ZMYM3: variants seen among roughly 807,000 people sequenced by gnomAD.
The protein encoded by ZMYM3 is zinc finger MYM-type containing 3, also known as zinc finger MYM-type protein 3.
A neutral mutation model predicts 94.2 loss-of-function variants in ZMYM3; 6 were observed. The observed-to-expected ratio is 0.06, with a 90% CI of 0.03 to 0.13. The LOEUF (loss-of-function observed/expected upper bound fraction) is 0.13. ZMYM3 is among the 10% of genes least tolerant of loss of function. ZMYM3 has a pLI of 1.00. For synonymous variants in ZMYM3, 420 were observed against 426.5 expected, an observed-to-expected ratio of 0.98 and a Z score of 0.19; for missense variants, 664 against 1,132.6, an observed-to-expected ratio of 0.59 and a Z score of 5.94.
intron 6 of ZMYM3, 151 bp from the exon 7 acceptor site, chrX:71,249,830 G>A: frequency 1.9e-6 from 2 of 1,076,474 alleles, no homozygotes; most frequent in Non-Finnish European, 2.4e-6. Context: ...CGACTTGATG[G>A]TGAGGTCCTG....
chrX:71,243,995 T>C lies in ZMYM3; in HGVS notation c.3281-15A>G. On this transcript the variant is annotated splice_polypyrimidine_tract_variant and intron_variant, in intron 20 of 24. Coordinates refer to ENST00000314425, the MANE Select transcript of ZMYM3 (RefSeq NM_201599.3). The stretch of plus-strand genomic sequence containing the variant: ...CATGGGTTTGGCTGCAGTGATATGT[T>C]GTGCAGGGACAGGATTAAGAAAAAC... 1 of 1,210,197 alleles carries C rather than the reference T, an allele frequency of 8.3e-7. No homozygotes were observed. The highest frequency in any genetic ancestry group is 1.1e-6 in the Non-Finnish European group (1 of 894,573).
Position 71,245,763 on chromosome X carries a change from T to G in ZMYM3, c.2765A>C (p.Lys922Thr), listed in dbSNP as rs756410520. 1 of 1,209,793 alleles carries G rather than the reference T, an allele frequency of 8.3e-7. No homozygotes were observed. Among genetic ancestry groups the G allele is most frequent in the South Asian group, 1.8e-5 (1 of 56,816 alleles). ...IVETIEELKV[K>T]IPSNPLEADI... ...GGCCTCCAAGGGGTTGGAAGGGATC[T>G]TCACCTTCAGCTCCTCAATGGTCTC... The change falls in exon 17 of 25, where the codon AAG becomes ACG. Residue 922 changes from lysine (K) to threonine (T), a missense_variant. By Grantham distance (78) the Lys-to-Thr change is moderately conservative. This residue lies in a region of ZMYM3 where 75 missense variants were observed against 152.5 expected (regional missense o/e 0.49). Transcript: ENST00000314425.
At position 71,248,228 on chromosome X, in the gene ZMYM3, G is replaced by A. The variant is rs1174153455; in HGVS notation, c.1909C>T (p.Arg637Trp). Residue 637 changes from arginine to tryptophan, a missense_variant, in exon 11 of 25, where the codon CGG (arginine) becomes TGG (tryptophan). Coordinates refer to ENST00000314425, the MANE Select transcript of ZMYM3 (RefSeq NM_201599.3). ...RGVVSQCEHC[R>W]QEKLLHEKLR... is the part of the protein sequence containing the mutation. ...TTCTCATGCAAGAGTTTCTCCTGCC[G>A]ACAGTGCTCACACTGGGACACCACA... 1 of 1,209,857 alleles carries A rather than the reference G, an allele frequency of 8.3e-7. No individual in the cohort carries two copies. The highest frequency in any genetic ancestry group is 3.0e-5 in the East Asian group (1 of 33,813).
intron 19 of ZMYM3, 148 bp from the exon 20 acceptor site, chrX:71,244,618 T>A: frequency 1.2e-6 from 1 of 836,945 alleles, no homozygotes; most frequent in Non-Finnish European, 1.7e-6. Flanking sequence ...AGGAACAGCT[T>A]TGATGACCTT....
rs1237257484 is a variant in ZMYM3, at chrX:71,251,957, A to ATCAG, written c.668-360_668-357dup. On this transcript the variant is annotated intron_variant, in intron 2 of 24. Transcript: ENST00000314425. Reference sequence around the variant, plus strand: ...AAAGGTAGCAAAAGGAAAAGGAAGCATCAGTGTATGGGTAGCTTCCCCTGG... The same window carrying ATCAG: ...AAAGGTAGCAAAAGGAAAAGGAAGCATCAGTCAGTGTATGGGTAGCTTCCCCTGG... 1.6e-5 allele frequency: 10 copies of ATCAG among 614,491 alleles called. No individual in the cohort carries two copies. In the African/African-American group the frequency reaches 2.5e-4, roughly 15 times the overall value. 50.6% of individuals were successfully genotyped at this position (614,491 alleles called of 1,213,427 possible). A position where few individuals can be genotyped will look rare whatever the true frequency, so the allele number is the denominator to read the frequency against.
chrX:71,243,787 G>A (rs2030045855), intron 21 of ZMYM3, 42 bp downstream of exon 21: 1 of 1,202,507 alleles, frequency 8.3e-7, no homozygotes. Context: ...CCTGCCTGCT[G>A]TGTTAAGAGT....
At chrX:71,251,414 G>A (rs1401492733) in intron 3 of ZMYM3, 144 bp downstream of exon 3, 1 of 931,702 alleles carries the variant, frequency 1.1e-6, no homozygotes, top group African/African-American at 2.0e-5. Context: ...TCCCCAACAA[G>A]CAGTAGACAC....
intron 3 of ZMYM3, 32 bp downstream of exon 3, chrX:71,251,526 A>G (rs2030471689): frequency 8.5e-7 from 1 of 1,173,359 alleles, no homozygotes; most frequent in Non-Finnish European, 1.1e-6. Context: ...GCTAAGGGGG[A>G]ACCAGACTCC....
chrX:71,246,476 T>TGGGGGGGGGG lies in ZMYM3; in HGVS notation c.2448_2449insCCCCCCCCCC (p.Thr817ProfsTer23). Reference sequence around the variant, plus strand: ...GCTGGGGGTGGTGGGGGTGGAGGGGTGGGAGCAGTGGGAGCTGATCGGGTC... The same window carrying TGGGGGGGGGG: ...GCTGGGGGTGGTGGGGGTGGAGGGGTGGGGGGGGGGGGGAGCAGTGGGAGCTGATCGGGTC... On this transcript the variant is annotated frameshift_variant, in exon 15 of 25. Coordinates refer to ENST00000314425, the MANE Select transcript of ZMYM3 (RefSeq NM_201599.3). LOFTEE classifies it high-confidence loss of function. 1 of 100,743 alleles carries TGGGGGGGGGG rather than the reference T, an allele frequency of 9.9e-6. No individual in the cohort carries two copies. Among genetic ancestry groups the TGGGGGGGGGG allele is most frequent in the African/African-American group, 1.1e-4 (1 of 8,861 alleles). 8.3% of individuals were successfully genotyped at this position (100,743 alleles called of 1,213,427 possible). A position where few individuals can be genotyped will look rare whatever the true frequency, so the allele number is the denominator to read the frequency against.
chrX:71,251,615 A>G lies in ZMYM3; in HGVS notation c.668-14T>C. ...TCAGGCCATCTCCTGCAAAGGAAGC[A>G]GAAGGCAGCCTAAATGTTGAGCCTG... On this transcript the variant is annotated splice_polypyrimidine_tract_variant and intron_variant, in intron 2 of 24. Transcript: ENST00000314425. The G allele has an allele frequency of 8.5e-7, 1 of 1,183,125 alleles. No homozygotes were observed. The highest frequency in any genetic ancestry group is 1.1e-6 in the Non-Finnish European group (1 of 881,010).
chrX:71,249,771 C>G, intron 6 of ZMYM3, 92 bp from the exon 7 acceptor site: 1 of 1,127,507 alleles, frequency 8.9e-7, no homozygotes, highest in Non-Finnish European at 1.2e-6. Context: ...CCTAGACCTT[C>G]ACAGCAGACA....
intron 12 of ZMYM3, 23 bp downstream of exon 12, chrX:71,247,711 G>A (rs527470994): frequency 8.9e-5 from 107 of 1,199,025 alleles, no homozygotes; most frequent in Middle Eastern, 5.1e-4. Context: ...TTCCCGCCTC[G>A]CTCGCATGCT....
Position 71,246,479 on chromosome X carries a change from G to GT in ZMYM3, c.2445_2446insA (p.Pro816ThrfsTer21). The GT allele has an allele frequency of 6.0e-6, 2 of 333,493 alleles. No individual in the cohort carries two copies. The highest frequency in any genetic ancestry group is 5.6e-6 in the Non-Finnish European group (1 of 178,525). The allele number at this position is 333,493 out of a possible 1,213,427, so 27.5% of individuals were successfully genotyped here. A position where few individuals can be genotyped will look rare whatever the true frequency, so the allele number is the denominator to read the frequency against. On this transcript the variant is annotated frameshift_variant, in exon 15 of 25. Transcript: ENST00000314425. LOFTEE classifies it high-confidence loss of function. The stretch of plus-strand genomic sequence containing the variant: ...GGGGGTGGTGGGGGTGGAGGGGTGG[G>GT]AGCAGTGGGAGCTGATCGGGTCTTC...
At chrX:71,248,087 C>T in intron 11 of ZMYM3, 75 bp downstream of exon 11, 2 of 1,173,366 alleles carry the variant, frequency 1.7e-6, no homozygotes, top group Non-Finnish European at 1.1e-6. Flanking sequence ...GACCACTTTC[C>T]CGGCCTCCCT....
In ZMYM3 at chrX:71,249,145, C is replaced by T. The variant is rs776812641; in HGVS notation, c.1495G>A (p.Val499Ile). 3.3e-6 allele frequency: 4 copies of T among 1,210,110 alleles called. No homozygotes were observed. In the African/African-American group the frequency reaches 7.0e-5, roughly 21 times the overall value. The stretch of plus-strand genomic sequence containing the variant: ...TTCTTACACAGGGTCTTGCACCAGA[C>T]ACATGGGTACACACGTGTGTTTTTC... ...KKKNTRVYPC[V>I]WCKTLCKNFE... The change falls in exon 8 of 25, where the codon GTC becomes ATC. Residue 499 changes from valine to isoleucine, a missense_variant. By Grantham distance (29) the Val-to-Ile change is conservative. Coordinates refer to ENST00000314425, the MANE Select transcript of ZMYM3 (RefSeq NM_201599.3).
At chrX:71,249,215 A>C in intron 7 of ZMYM3, 46 bp from the exon 8 acceptor site, 1 of 1,198,742 alleles carries the variant, frequency 8.3e-7, no homozygotes, top group Non-Finnish European at 1.1e-6. Flanking sequence ...TTGTCCCTTC[A>C]CTTTTATTTT....
In ZMYM3 at chrX:71,253,289, T is replaced by G; in HGVS notation, c.-19-15A>C. 1.8e-6 allele frequency: 2 copies of G among 1,107,456 alleles called. No individual in the cohort carries two copies. Among genetic ancestry groups the G allele is most frequent in the Non-Finnish European group, 2.4e-6 (2 of 836,327 alleles). The allele number at this position is 1,107,456 out of a possible 1,213,427, so 91.3% of individuals were successfully genotyped here. A position where few individuals can be genotyped will look rare whatever the true frequency, so the allele number is the denominator to read the frequency against. On this transcript the variant is annotated splice_polypyrimidine_tract_variant and intron_variant, in intron 1 of 24. Transcript: ENST00000314425. ...CTGGATATGTACTGCAGATTAGGAG[T>G]AGAAGAGGGGGCAGTAGAGGTGGTC...
rs1172514545 is a variant in ZMYM3, at chrX:71,246,621, G to A, written c.2386C>T (p.Pro796Ser). The A allele has an allele frequency of 2.5e-6, 3 of 1,211,395 alleles. No individual in the cohort carries two copies. The highest frequency in any genetic ancestry group is 3.5e-5 in the South Asian group (2 of 56,899). Residue 796 changes from proline (P) to serine (S), a missense_variant, in exon 14 of 25, where the codon CCA becomes TCA. Pro to Ser is a moderately conservative substitution (Grantham distance 74). Around this residue, in one of 9 missense-constraint regions of ZMYM3, gnomAD observed 57 missense variants for 52.0 expected, o/e 1.10. Coordinates refer to ENST00000314425, the MANE Select transcript of ZMYM3 (RefSeq NM_201599.3). ...KVENSNTVRTPEENGNLGKIP... is the reference protein window; with the variant it reads ...KVENSNTVRTSEENGNLGKIP... ...TTGCCCAAATTCCCATTTTCCTCTGGGGTCCTCACTGTGTTGCTGTTCTCC... is the reference window on the plus strand; with the variant it reads ...TTGCCCAAATTCCCATTTTCCTCTGAGGTCCTCACTGTGTTGCTGTTCTCC...
intron 4 of ZMYM3, 21 bp from the exon 5 acceptor site, chrX:71,250,747 A>G (rs1249763993): frequency 8.6e-7 from 1 of 1,167,692 alleles, no homozygotes; most frequent in Admixed American, 2.4e-5. Context: ...GGGGGGATGG[A>G]CATGAGAAAG....
Sources: gnomAD v4.1 joint callset for allele counts on GRCh38, gnomAD v4.1.1 for gene constraint, gnomAD v4.1.1 regional missense constraint, MANE v1.5 for transcripts, NCBI Gene and HGNC (gene_info 2026-07-23, HGNC 2026-07-21) for gene names.